PCDH15: variants seen among roughly 807,000 people sequenced by gnomAD.
PCDH15 encodes protocadherin-15.
PCDH15 carries 129 observed loss-of-function variants against 178.5 expected under a neutral mutation model. The ratio of observed to expected loss-of-function variants is 0.72; its 90% CI spans 0.63 to 0.84. The LOEUF (loss-of-function observed/expected upper bound fraction) is 0.84. PCDH15 is among the 40% of genes least tolerant of loss of function. The pLI is 0.00. For synonymous variants in PCDH15, 800 were observed against 732.0 expected, an observed-to-expected ratio of 1.09 and a Z score of -1.50; for missense variants, 2,230 against 2,099.9, an observed-to-expected ratio of 1.06 and a Z score of -1.21.
At chr10:54,421,891 CA>C (rs1955510900) in intron 3 of PCDH15, among the ~76,000 whole-genome samples, 1 of 80,254 alleles carries the variant, frequency 1.2e-5, no homozygotes, top group Non-Finnish European at 2.5e-5. Flanking sequence ...TATACACACA[CA>C]CACTATATAT....
intron 3 of PCDH15, among the ~76,000 whole-genome samples, chr10:54,456,558 C>T (rs1565323626): frequency 6.6e-6 from 1 of 152,176 alleles, no homozygotes; most frequent in Non-Finnish European, 1.5e-5. Flanking sequence ...TGCCTTGTCT[C>T]AGATGAGACT....
chr10:54,768,940 A>G lies in PCDH15; in HGVS notation c.-29+31985T>C, dbSNP rs112628805. On this transcript the variant is annotated intron_variant, in intron 1 of 37. Transcript: ENST00000644397. ...GTGCCAGGACAGGACTCTGTCTGGG[A>G]AAGAAGTGTAAAACTTTTGGACTTG... Among the ~76,000 whole-genome samples the G allele has an allele frequency of 7.4e-3, 1,129 of 152,234 alleles. 14 individuals carry two copies. Among genetic ancestry groups the G allele is most frequent in the Non-Finnish European group, 0.011 (720 of 68,008 alleles).
intron 1 of PCDH15, among the ~76,000 whole-genome samples, chr10:55,180,368 A>G (rs577463970): frequency 6.6e-6 from 1 of 152,250 alleles, no homozygotes; most frequent in Non-Finnish European, 1.5e-5. Context: ...TTGAGATGGA[A>G]AGTTTTAATT....
intron 8 of PCDH15, among the ~76,000 whole-genome samples, chr10:54,295,293 A>G (rs1007484235): frequency 6.6e-6 from 1 of 151,718 alleles, no homozygotes; most frequent in Non-Finnish European, 1.5e-5. Flanking sequence ...AAAATGGACC[A>G]ATCAATTCTC....
intron 3 of PCDH15, among the ~76,000 whole-genome samples, chr10:54,821,316 C>T (rs1243002120): frequency 6.6e-6 from 1 of 151,820 alleles, no homozygotes; most frequent in Non-Finnish European, 1.5e-5. Context: ...TATGTCAAAC[C>T]CTGACCCAAC....
intron 26 of PCDH15, among the ~76,000 whole-genome samples, chr10:53,881,045 A>G (rs2080675166): frequency 6.6e-6 from 1 of 151,696 alleles, no homozygotes; most frequent in African/African-American, 2.4e-5. Context: ...ACACATGCAC[A>G]CATATATAGT....
intron 1 of PCDH15, among the ~76,000 whole-genome samples, chr10:55,226,747 C>A (rs1841056945): frequency 6.6e-6 from 1 of 151,802 alleles, no homozygotes. Context: ...TAAGATAGTA[C>A]AAAATAACTA....
chr10:54,446,701 T>C (rs778721223), intron 3 of PCDH15, among the ~76,000 whole-genome samples: 3 of 151,584 alleles, frequency 2.0e-5, no homozygotes, highest in Admixed American at 6.6e-5. Flanking sequence ...CATTACCTTG[T>C]AATTGGGCCC....
intron 1 of PCDH15, among the ~76,000 whole-genome samples, chr10:55,290,075 T>C (rs142498545): frequency 6.6e-6 from 1 of 151,870 alleles, no homozygotes; most frequent in Non-Finnish European, 1.5e-5. Flanking sequence ...TTTTTCTTTA[T>C]AAACTACCCA....
At chr10:55,488,499 T>A (rs776856825) in intron 2 of PCDH15, among the ~76,000 whole-genome samples, 2 of 151,578 alleles carry the variant, frequency 1.3e-5, no homozygotes, top group Non-Finnish European at 3.0e-5. Context: ...AGAGGAAAGG[T>A]AATTGATTTT....
chr10:55,213,314 T>G (rs1054585553), intron 1 of PCDH15, among the ~76,000 whole-genome samples: 2 of 152,060 alleles, frequency 1.3e-5, no homozygotes, highest in African/African-American at 4.8e-5. Flanking sequence ...ATGAATAACT[T>G]CATAGAGCTA....
intron 8 of PCDH15, among the ~76,000 whole-genome samples, chr10:54,313,586 C>T (rs778084394): frequency 2.0e-5 from 3 of 152,084 alleles, no homozygotes; most frequent in Non-Finnish European, 2.9e-5. Context: ...AGAGCTAGGA[C>T]TCAAATGTAT....
At chr10:53,953,269 G>A (rs562045424) in intron 23 of PCDH15, among the ~76,000 whole-genome samples, 24 of 152,352 alleles carry the variant, frequency 1.6e-4, no homozygotes, top group Middle Eastern at 3.4e-3. Flanking sequence ...TAGAACAATT[G>A]ATCATTAATG....
At chr10:53,825,313 A>C (rs1015006885) in intron 32 of PCDH15, among the ~76,000 whole-genome samples, 18 of 151,994 alleles carry the variant, frequency 1.2e-4, no homozygotes, top group African/African-American at 4.3e-4. Context: ...ATTCATATGA[A>C]TGACATTTAA....
At chr10:55,600,069 A>G (rs1261139695) in intron 2 of PCDH15, 1 of 882,864 alleles carries the variant, frequency 1.1e-6, no homozygotes, top group Non-Finnish European at 1.6e-6. Context: ...TGCATTAAAA[A>G]TTTTGGTTGG....
chr10:54,797,856 G>A (rs1199041424), intron 1 of PCDH15, among the ~76,000 whole-genome samples: 2 of 152,080 alleles, frequency 1.3e-5, no homozygotes, highest in East Asian at 1.9e-4. Flanking sequence ...CTTTTAGGCT[G>A]AGATTAAGTC....
At chr10:55,599,490 A>G (rs1468651388) in intron 2 of PCDH15, 2 of 152,698 alleles carry the variant, frequency 1.3e-5, no homozygotes, top group African/African-American at 4.8e-5. Flanking sequence ...TCAACATCTG[A>G]CTAACTTCAT....
intron 25 of PCDH15, among the ~76,000 whole-genome samples, chr10:53,918,708 AC>A (rs1398400234): frequency 3.7e-5 from 4 of 107,064 alleles, no homozygotes; most frequent in Admixed American, 1.2e-4. Flanking sequence ...TAATGCAAAT[AC>A]ACAAACACAC....
chr10:53,912,283 G>A (rs1176686099), intron 25 of PCDH15, among the ~76,000 whole-genome samples: 1 of 152,284 alleles, frequency 6.6e-6, no homozygotes, highest in Non-Finnish European at 1.5e-5. Flanking sequence ...ACTAGGTATT[G>A]ATGGAACATT....
Sources: gnomAD v4.1 joint callset for allele counts (sites outside exome capture counted in the v4.1 genomes callset) on GRCh38, gnomAD v4.1.1 for gene constraint, MANE v1.5 for transcripts, NCBI Gene and HGNC (gene_info 2026-07-23, HGNC 2026-07-21) for gene names.